Variants in ASPH observed in about 807,000 individuals in gnomAD.
ASPH encodes aspartyl/asparaginyl beta-hydroxylase.
ASPH carries 100 observed loss-of-function variants against 118.4 expected under a neutral mutation model. That is an observed-to-expected ratio of 0.84 (90% CI 0.72 to 1.00). The LOEUF (loss-of-function observed/expected upper bound fraction) is 1.00. Among genes scored for constraint, ASPH ranks in the 50% least tolerant of loss-of-function variants. The probability of loss-of-function intolerance (pLI) is 0.00; values close to 1 mark genes in which losing one functional copy is unlikely to be tolerated. For synonymous variants in ASPH, 315 were observed against 325.6 expected (o/e 0.97, Z 0.35); for missense variants, 920 against 919.5 (o/e 1.00, Z -0.01).
intron 1 of ASPH, among the ~76,000 whole-genome samples, chr8:61,685,607 T>C (rs542386704): frequency 1.3e-5 from 2 of 152,140 alleles, no homozygotes; most frequent in African/African-American, 4.8e-5. Context: ...CAAGAATATA[T>C]TGCCAATATA....
At chr8:61,539,891 G>A (rs1487928557) in intron 21 of ASPH, among the ~76,000 whole-genome samples, 2 of 152,006 alleles carry the variant, frequency 1.3e-5, no homozygotes, top group Non-Finnish European at 2.9e-5. Flanking sequence ...AGTTAATCCC[G>A]AAAAGGGAAG....
At chr8:61,562,358 CAAAAA>C (rs66585881) in intron 18 of ASPH, among the ~76,000 whole-genome samples, 4 of 111,358 alleles carry the variant, frequency 3.6e-5, no homozygotes, top group Non-Finnish European at 3.5e-5. Context: ...ATACTTCTGC[CAAAAA>C]AAAAAAAAAA....
intron 20 of ASPH, among the ~76,000 whole-genome samples, chr8:61,549,048 T>A (rs950857861): frequency 6.6e-6 from 1 of 152,204 alleles, no homozygotes; most frequent in Admixed American, 6.5e-5. Flanking sequence ...GGCTTTCTAA[T>A]GGTACACTTA....
intron 13 of ASPH, among the ~76,000 whole-genome samples, chr8:61,622,292 T>C (rs1878411): frequency 0.65 from 98,461 of 152,090 alleles, 32,286 homozygotes; most frequent in African/African-American, 0.7. Context: ...GAGCCGAGAT[T>C]GCACCACTGC....
chr8:61,690,938 C>T (rs1832461163), intron 1 of ASPH, among the ~76,000 whole-genome samples: 1 of 152,010 alleles, frequency 6.6e-6, no homozygotes, highest in African/African-American at 2.4e-5. Context: ...TACACTGAAA[C>T]ACATATATTC....
At chr8:61,683,866 G>A (rs762005173) in intron 2 of ASPH, 173 bp downstream of exon 2, 9 of 714,656 alleles carry the variant, frequency 1.3e-5, no homozygotes, top group Non-Finnish European at 2.0e-5. Context: ...GAGTTCAAAA[G>A]ACAATACTCC....
chr8:61,590,321 G>A (rs1482091609), intron 14 of ASPH, among the ~76,000 whole-genome samples: 5 of 152,116 alleles, frequency 3.3e-5, no homozygotes, highest in Non-Finnish European at 7.4e-5. Context: ...TTTTTCGAGA[G>A]AGGGTATACA....
At chr8:61,574,931 C>T (rs1049978608) in intron 16 of ASPH, among the ~76,000 whole-genome samples, 1 of 152,180 alleles carries the variant, frequency 6.6e-6, no homozygotes, top group African/African-American at 2.4e-5. Flanking sequence ...TCTGCAAGGT[C>T]ACAGCCTCCT....
intron 13 of ASPH, among the ~76,000 whole-genome samples, chr8:61,623,434 T>A (rs1851655513): frequency 6.6e-6 from 1 of 152,216 alleles, no homozygotes; most frequent in South Asian, 2.1e-4. Flanking sequence ...CCTTATATAT[T>A]CTCATTATTA....
intron 15 of ASPH, among the ~76,000 whole-genome samples, chr8:61,582,314 T>C (rs1434929434): frequency 2.0e-5 from 3 of 152,204 alleles, no homozygotes; most frequent in African/African-American, 7.2e-5. Flanking sequence ...AATCCTTCTC[T>C]AAAGCTGCTC....
At chr8:61,588,911 T>C (rs1466731570) in intron 14 of ASPH, among the ~76,000 whole-genome samples, 1 of 152,122 alleles carries the variant, frequency 6.6e-6, no homozygotes, top group African/African-American at 2.4e-5. Context: ...CTGTGGTATA[T>C]CCAAAAAATG....
intron 3 of ASPH, chr8:61,661,279 G>A (rs1437685571): frequency 6.6e-6 from 1 of 152,190 alleles, no homozygotes; most frequent in East Asian, 1.9e-4. Flanking sequence ...GTGCTTCCAA[G>A]TTTTTAACCC....
intron 15 of ASPH, chr8:61,578,849 G>A: frequency 1.9e-6 from 3 of 1,612,558 alleles, no homozygotes; most frequent in Middle Eastern, 1.7e-4. Flanking sequence ...AGGTAGAGCT[G>A]GAGTCTCGCC....
chr8:61,510,338 T>C (rs758464258), intron 24 of ASPH, among the ~76,000 whole-genome samples: 4 of 152,224 alleles, frequency 2.6e-5, no homozygotes, highest in Non-Finnish European at 5.9e-5. Context: ...GTTCTGAATA[T>C]GTTTTTATGA....
At chr8:61,623,975 A>T (rs1268361594) in intron 13 of ASPH, 2 of 153,660 alleles carry the variant, frequency 1.3e-5, no homozygotes, top group African/African-American at 2.4e-5. Flanking sequence ...AAAACAATTG[A>T]ACTCACAGAG....
intron 18 of ASPH, among the ~76,000 whole-genome samples, chr8:61,560,097 G>C (rs1201036193): frequency 2.6e-5 from 4 of 152,222 alleles, no homozygotes; most frequent in African/African-American, 9.7e-5. Flanking sequence ...CTTCATGTGG[G>C]CACATTCTGC....
intron 14 of ASPH, among the ~76,000 whole-genome samples, chr8:61,586,928 G>A (rs898678612): frequency 1.3e-5 from 2 of 152,166 alleles, no homozygotes; most frequent in African/African-American, 2.4e-5. Flanking sequence ...CGTGCTGAGC[G>A]GAACTGCAAG....
Position 61,548,209 on chromosome 8 carries a change from C to T in ASPH, c.1627-1G>A. 2 of 1,611,976 alleles carry T rather than the reference C, an allele frequency of 1.2e-6. No individual in the cohort carries two copies. The highest frequency in any genetic ancestry group is 1.7e-6 in the Non-Finnish European group (2 of 1,178,990). On this transcript the variant is annotated splice_acceptor_variant, in intron 20 of 24. Transcript: ENST00000379454. LOFTEE classifies it high-confidence loss of function. ...GCCCAAGCTCATACCACTTATATGC[C>T]TGAAGGAACAGAAAGAATGTGCTCC...
chr8:61,669,473 C>T (rs968130823), intron 3 of ASPH, among the ~76,000 whole-genome samples: 16 of 152,094 alleles, frequency 1.1e-4, no homozygotes, highest in African/African-American at 3.6e-4. Flanking sequence ...GTACTTATTC[C>T]CATGTGTTTA....
Sources: allele counts gnomAD v4.1 joint callset (sites outside exome capture counted in the v4.1 genomes callset), GRCh38; gene constraint gnomAD v4.1.1; transcripts MANE v1.5; gene names NCBI Gene and HGNC (gene_info 2026-07-23, HGNC 2026-07-21).